ELFN1: variants seen among roughly 807,000 people sequenced by gnomAD.
ELFN1 encodes the protein protein ELFN1.
A neutral mutation model predicts 7.6 loss-of-function variants in ELFN1; 6 were observed. That is an observed-to-expected ratio of 0.79 (90% CI 0.43 to 1.56). ELFN1 has a LOEUF of 1.56. Among genes scored for constraint, ELFN1 ranks in the 40% most tolerant of loss-of-function variants. The probability of loss-of-function intolerance (pLI) is 0.01; values close to 1 mark genes in which losing one functional copy is unlikely to be tolerated. For missense variants in ELFN1, 1,169 were observed against 1,232.2 expected, an observed-to-expected ratio of 0.95 and a Z score of 0.77; for synonymous variants, 657 against 588.1, an observed-to-expected ratio of 1.12 and a Z score of -1.70.
chr7:1,717,858 C>T (rs1779882163), intron 3 of ELFN1, among the ~76,000 whole-genome samples: 1 of 152,190 alleles, frequency 6.6e-6, no homozygotes, highest in Non-Finnish European at 1.5e-5. Context: ...TGCTTCTCCT[C>T]CCTTCCCCCT....
chr7:1,725,704 C>A (rs1041913282), intron 3 of ELFN1, among the ~76,000 whole-genome samples: 1 of 152,136 alleles, frequency 6.6e-6, no homozygotes, highest in Non-Finnish European at 1.5e-5. Flanking sequence ...CATGTGTGCA[C>A]GTCTGTGTGT....
At chr7:1,711,193 A>C (rs954413953) in intron 3 of ELFN1, among the ~76,000 whole-genome samples, 25 of 152,224 alleles carry the variant, frequency 1.6e-4, no homozygotes, top group African/African-American at 6.0e-4. Flanking sequence ...TCCCCTGGGA[A>C]TATGTGGACC....
At chr7:1,708,277 A>C (rs1779580140) in intron 2 of ELFN1, among the ~76,000 whole-genome samples, 1 of 152,190 alleles carries the variant, frequency 6.6e-6, no homozygotes, top group Non-Finnish European at 1.5e-5. Context: ...TGAAGGAAGC[A>C]AGTACGCTGG....
At position 1,695,239 on chromosome 7, in the gene ELFN1, C is replaced by T. The variant is rs998549955; in HGVS notation, c.-456+7089C>T. Among the ~76,000 whole-genome samples, 2 of 152,212 alleles carry T rather than the reference C, an allele frequency of 1.3e-5. No homozygotes were observed. ...GGACCCTGCTCCTGCCTGAGAACCC[C>T]AGGAAGTAGTAGCGTGCCAGGTGCG... is the stretch of plus-strand genomic sequence containing the variant. On this transcript the variant is annotated intron_variant, in intron 2 of 3. Coordinates refer to ENST00000424383, the MANE Select transcript of ELFN1 (RefSeq NM_001128636.4). The surrounding 1 kb of genome is among the most constrained non-coding windows in gnomAD (Gnocchi z 5.1).
At chr7:1,688,515 T>A (rs1413965609) in intron 2 of ELFN1, among the ~76,000 whole-genome samples, 5 of 152,240 alleles carry the variant, frequency 3.3e-5, no homozygotes, top group African/African-American at 1.2e-4. Flanking sequence ...TGGCGTGAGA[T>A]GTAAGGATCA....
chr7:1,676,026 G>A (rs1778863464), intron 1 of ELFN1, among the ~76,000 whole-genome samples: 1 of 152,202 alleles, frequency 6.6e-6, no homozygotes, highest in Non-Finnish European at 1.5e-5. Context: ...TCAGAGTGCT[G>A]ACCGAGGGAG....
At position 1,735,659 on chromosome 7, in the gene ELFN1, A is replaced by G. The variant is rs987015941; in HGVS notation, c.-293-8645A>G. On this transcript the variant is annotated intron_variant, in intron 3 of 3. Transcript: ENST00000424383. This position sits in a 1 kb window ranked among gnomAD's most constrained non-coding sequence, Gnocchi z 5.9. ...CCCCCAGAGCTGGTGAGATCCCTCA[A>G]TGGGCCCCCCTCTGTGGGCACCAGG... Among the ~76,000 whole-genome samples, 5 of 152,082 alleles carry G rather than the reference A, an allele frequency of 3.3e-5. No homozygotes were observed. The highest frequency in any genetic ancestry group is 2.1e-4 in the South Asian group (1 of 4,822).
intron 3 of ELFN1, among the ~76,000 whole-genome samples, chr7:1,719,101 C>T (rs1779924849): frequency 6.6e-6 from 1 of 150,818 alleles, no homozygotes; most frequent in Non-Finnish European, 1.5e-5. Flanking sequence ...ACCAACAGGG[C>T]CCCGCCCACC....
intron 1 of ELFN1, among the ~76,000 whole-genome samples, chr7:1,680,062 A>G (rs1275472664): frequency 2.6e-5 from 4 of 152,246 alleles, no homozygotes; most frequent in Admixed American, 2.0e-4. Flanking sequence ...AGAAGTGTTC[A>G]TTCACTGATT....
intron 2 of ELFN1, among the ~76,000 whole-genome samples, chr7:1,689,094 A>T (rs1279185989): frequency 9.2e-5 from 14 of 152,368 alleles, no homozygotes; most frequent in Non-Finnish European, 4.4e-5. Context: ...GGAATCACAC[A>T]GTATGTAACA....
chr7:1,741,780 C>G (rs1254609737), intron 3 of ELFN1, among the ~76,000 whole-genome samples: 1 of 152,102 alleles, frequency 6.6e-6, no homozygotes, highest in Admixed American at 6.5e-5. Flanking sequence ...GGGCTCCGAG[C>G]TGCACTACCG....
chr7:1,746,903 C>T lies in ELFN1; in HGVS notation c.2307C>T (p.Thr769=), dbSNP rs1421987179. Residue 769 remains threonine, a synonymous_variant, in exon 4 of 4, where the codon ACC becomes ACT. Transcript: ENST00000424383. The part of the protein sequence containing the change: ...SLSYSSSPEY[T]CRASQSIWER... ...GCTACTCCTCCAGCCCCGAGTACAC[C>T]TGCCGGGCCTCCCAGAGCATCTGGG... 1 of 1,547,666 alleles carries T rather than the reference C, an allele frequency of 6.5e-7. No homozygotes were observed. The highest frequency in any genetic ancestry group is 2.5e-5 in the East Asian group (1 of 40,804).
upstream of ELFN1, among the ~76,000 whole-genome samples, chr7:1,669,879 C>A: frequency 7.0e-6 from 1 of 142,594 alleles, no homozygotes; most frequent in Non-Finnish European, 1.5e-5. Context: ...ACCCACCCAC[C>A]CACCCCCTCC....
At position 1,681,073 on chromosome 7, in the gene ELFN1, C is replaced by A. The variant is rs140399920; in HGVS notation, c.-548-6985C>A. Among the ~76,000 whole-genome samples, 873 of 152,270 alleles carry A rather than the reference C, an allele frequency of 5.7e-3. 5 individuals carry two copies. The highest frequency in any genetic ancestry group is 9.6e-3 in the Non-Finnish European group (656 of 68,030). Reference sequence around the variant, plus strand: ...TTTACATTTAATGGACATTTCACATCAATGGGATCCTGCATCCTGCAATAT... The same window carrying A: ...TTTACATTTAATGGACATTTCACATAAATGGGATCCTGCATCCTGCAATAT... On this transcript the variant is annotated intron_variant, in intron 1 of 3. Transcript: ENST00000424383.
chr7:1,671,148 A>C (rs1583302117), intron 1 of ELFN1, among the ~76,000 whole-genome samples: 3 of 144,922 alleles, frequency 2.1e-5, no homozygotes, highest in African/African-American at 5.2e-5. Context: ...GGCGGGGGGC[A>C]CTGCCTGCCG....
At chr7:1,704,784 C>T (rs116636269) in intron 2 of ELFN1, among the ~76,000 whole-genome samples, 3,875 of 152,190 alleles carry the variant, frequency 0.025, 161 homozygotes, top group African/African-American at 0.088. Flanking sequence ...TGAGTGGCAA[C>T]GTCACCTGTC....
chr7:1,686,114 G>A (rs966774058), intron 1 of ELFN1, among the ~76,000 whole-genome samples: 1 of 151,010 alleles, frequency 6.6e-6, no homozygotes, highest in African/African-American at 2.4e-5. Context: ...TGTCTTGTAA[G>A]TTTGTGTTGA....
intron 1 of ELFN1, among the ~76,000 whole-genome samples, chr7:1,672,891 C>T (rs570649653): frequency 5.3e-5 from 8 of 151,640 alleles, no homozygotes; most frequent in Admixed American, 2.0e-4. Flanking sequence ...TCGAGATGCC[C>T]GGGTGGGTGG....
intron 3 of ELFN1, among the ~76,000 whole-genome samples, chr7:1,715,638 T>A (rs528594437): frequency 6.6e-6 from 1 of 152,350 alleles, no homozygotes; most frequent in East Asian, 1.9e-4. Context: ...CTCCTAGATC[T>A]TCATTTGTCT....
Sources: gnomAD v4.1 joint callset for allele counts (sites outside exome capture counted in the v4.1 genomes callset) on GRCh38, gnomAD v4.1.1 for gene constraint, Gnocchi (gnomAD v3.1) non-coding constraint, MANE v1.5 for transcripts, NCBI Gene and HGNC (gene_info 2026-07-23, HGNC 2026-07-21) for gene names.